PHLPP1: variants seen among roughly 807,000 people sequenced by gnomAD.
PHLPP1 encodes the protein PH domain leucine-rich repeat-containing protein phosphatase 1.
In PHLPP1, 42 loss-of-function variants were observed where a neutral mutation model predicts 117.2. The ratio of observed to expected loss-of-function variants is 0.36; its 90% CI spans 0.28 to 0.46. The LOEUF (loss-of-function observed/expected upper bound fraction) is 0.46, where lower values mean the gene tolerates loss of function less well. Ranked by LOEUF, PHLPP1 falls within the 20% of genes least tolerant of loss-of-function variation. The probability of loss-of-function intolerance (pLI) is 1.00; values close to 1 mark genes in which losing one functional copy is unlikely to be tolerated. For synonymous variants in PHLPP1, 1,042 were observed against 970.7 expected (o/e 1.07, Z -1.37); for missense variants, 2,084 against 2,241.9 (o/e 0.93, Z 1.42).
chr18:62,936,964 A>G (rs1909988171), intron 10 of PHLPP1, among the ~76,000 whole-genome samples: 2 of 152,218 alleles, frequency 1.3e-5, no homozygotes, highest in South Asian at 4.1e-4. Flanking sequence ...GCCTAAAAGT[A>G]AGAGTTTTGC....
At chr18:62,825,131 G>T (rs1161446355) in intron 1 of PHLPP1, among the ~76,000 whole-genome samples, 2 of 151,608 alleles carry the variant, frequency 1.3e-5, no homozygotes, top group African/African-American at 4.8e-5. Flanking sequence ...AATAATTTTT[G>T]TATTTTTAGT....
chr18:62,888,877 C>T (rs1393488284), intron 4 of PHLPP1, among the ~76,000 whole-genome samples: 1 of 152,196 alleles, frequency 6.6e-6, no homozygotes, highest in African/African-American at 2.4e-5. Flanking sequence ...AAAGGTCATC[C>T]ATTCACCCTT....
At chr18:62,791,532 A>G (rs923217391) in intron 1 of PHLPP1, among the ~76,000 whole-genome samples, 2 of 152,148 alleles carry the variant, frequency 1.3e-5, no homozygotes, top group African/African-American at 2.4e-5. Context: ...ACTTTATTCA[A>G]GCTACAAAGG....
At chr18:62,939,069 C>T (rs1165422649) in intron 10 of PHLPP1, among the ~76,000 whole-genome samples, 1 of 146,814 alleles carries the variant, frequency 6.8e-6, no homozygotes, top group Admixed American at 7.1e-5. Context: ...TGGCTCATTG[C>T]AACCTCTGCC....
Position 62,978,578 on chromosome 18 carries a change from T to G in PHLPP1, c.4301T>G (p.Leu1434Arg). 1 of 1,613,390 alleles carries G rather than the reference T, an allele frequency of 6.2e-7. No homozygotes were observed. The highest frequency in any genetic ancestry group is 1.1e-5 in the South Asian group (1 of 90,998). The change falls in exon 17 of 17, where the codon CTC becomes CGC. Residue 1434 changes from leucine (L) to arginine (R), a missense_variant. By Grantham distance (102) the Leu-to-Arg change is moderately radical. Transcript: ENST00000262719. The surrounding 1 kb of genome is among the most constrained non-coding windows in gnomAD (Gnocchi z 7.0). Reference protein sequence around the residue: ...VTEDSFCCCELSAGGAVPPPS... With the variant: ...VTEDSFCCCERSAGGAVPPPS... ...GAGGACAGCTTCTGCTGCTGCGAGC[T>G]CAGCGCCGGTGGGGCTGTGCCACCA...
At chr18:62,936,362 C>CTGTAA (rs1909966097) in intron 10 of PHLPP1, among the ~76,000 whole-genome samples, 1 of 152,118 alleles carries the variant, frequency 6.6e-6, no homozygotes, top group African/African-American at 2.4e-5. Context: ...ATTTAACAAA[C>CTGTAA]TGTAAGTAGA....
intron 13 of PHLPP1, among the ~76,000 whole-genome samples, chr18:62,959,797 G>A (rs1910713240): frequency 6.6e-6 from 1 of 152,200 alleles, no homozygotes; most frequent in South Asian, 2.1e-4. Context: ...TTCCTGGATA[G>A]AATTGGCCTA....
At position 62,715,808 on chromosome 18, in the gene PHLPP1, C is replaced by A; in HGVS notation, c.125C>A (p.Ala42Glu). ...GCAGCGGCGGCCGCGGCGGCTCTGGCGGCGGCGGCCGGGGGCGGCCGGAGT... is the reference window on the plus strand; with the variant it reads ...GCAGCGGCGGCCGCGGCGGCTCTGGAGGCGGCGGCCGGGGGCGGCCGGAGT... ...AAAAAAAAAL[A>E]AAAGGGRSPE... The change falls in exon 1 of 17, where the codon GCG (alanine) becomes GAG (glutamate). Residue 42 changes from alanine to glutamate, a missense_variant. By Grantham distance (107) the Ala-to-Glu change is moderately radical (BLOSUM62 -1). Around this residue, in one of 2 missense-constraint regions of PHLPP1, gnomAD observed 719 missense variants for 636.0 expected, o/e 1.13. Coordinates refer to ENST00000262719, the MANE Select transcript of PHLPP1 (RefSeq NM_194449.4). 3 of 779,434 alleles carry A rather than the reference C, an allele frequency of 3.8e-6. No individual in the cohort carries two copies. The highest frequency in any genetic ancestry group is 3.1e-6 in the Non-Finnish European group (2 of 635,306). The allele number at this position is 779,434 out of a possible 1,614,324, so 48.3% of individuals were successfully genotyped here. A position where few individuals can be genotyped will look rare whatever the true frequency, so the allele number is the denominator to read the frequency against.
chr18:62,800,849 A>G (rs1237978934), intron 1 of PHLPP1, among the ~76,000 whole-genome samples: 1 of 152,242 alleles, frequency 6.6e-6, no homozygotes. Context: ...CATGAACTCA[A>G]TCTTTAGGGG....
intron 10 of PHLPP1, among the ~76,000 whole-genome samples, chr18:62,938,337 T>A (rs1219068941): frequency 6.6e-6 from 1 of 152,170 alleles, no homozygotes; most frequent in Non-Finnish European, 1.5e-5. Flanking sequence ...CTGGAGCCTA[T>A]TTATTTACTA....
Position 62,978,413 on chromosome 18 carries a change from G to A in PHLPP1, c.4136G>A (p.Ser1379Asn). The A allele has an allele frequency of 6.2e-7, 1 of 1,612,390 alleles. No individual in the cohort carries two copies. Among genetic ancestry groups the A allele is most frequent in the Middle Eastern group, 1.7e-4 (1 of 6,060 alleles). ...CTAGGCAGTAAGGGGTTGTGGGACAGCCTGTCCGTCGAGGAGGCCGTGGAA... is the reference window on the plus strand; with the variant it reads ...CTAGGCAGTAAGGGGTTGTGGGACAACCTGTCCGTCGAGGAGGCCGTGGAA... ...FILGSKGLWD[S>N]LSVEEAVEAV... Residue 1379 changes from serine to asparagine, a missense_variant, in exon 17 of 17, where the codon AGC (serine) becomes AAC (asparagine). Coordinates refer to ENST00000262719, the MANE Select transcript of PHLPP1 (RefSeq NM_194449.4). This position sits in a 1 kb window ranked among gnomAD's most constrained non-coding sequence, Gnocchi z 7.0.
intron 3 of PHLPP1, among the ~76,000 whole-genome samples, chr18:62,852,590 G>A (rs184104268): frequency 2.0e-5 from 3 of 152,252 alleles, no homozygotes; most frequent in South Asian, 2.1e-4. Context: ...TGATCCGCCC[G>A]CCTCGGCCTT....
intron 1 of PHLPP1, among the ~76,000 whole-genome samples, chr18:62,827,954 G>A (rs988344936): frequency 6.6e-6 from 1 of 151,668 alleles, no homozygotes; most frequent in African/African-American, 2.4e-5. Flanking sequence ...AGGTTAACAA[G>A]TATTCTTGAA....
intron 1 of PHLPP1, among the ~76,000 whole-genome samples, chr18:62,804,836 T>TAC: frequency 6.7e-6 from 1 of 148,750 alleles, no homozygotes; most frequent in Non-Finnish European, 1.5e-5. Flanking sequence ...ATATTATACA[T>TAC]ATACAGTATA....
intron 7 of PHLPP1, among the ~76,000 whole-genome samples, chr18:62,904,960 A>T (rs1916808059): frequency 6.6e-6 from 1 of 152,256 alleles, no homozygotes. Flanking sequence ...CAGCCTGCAT[A>T]ACAATAAGAG....
chr18:62,964,309 C>T (rs1018515078), intron 14 of PHLPP1, among the ~76,000 whole-genome samples: 1 of 152,170 alleles, frequency 6.6e-6, no homozygotes, highest in African/African-American at 2.4e-5. Flanking sequence ...GTCTCCCAAC[C>T]TAGACTCATT....
chr18:62,899,273 T>C (rs1358490377), intron 6 of PHLPP1, among the ~76,000 whole-genome samples: 1 of 152,150 alleles, frequency 6.6e-6, no homozygotes, highest in Admixed American at 6.5e-5. Flanking sequence ...CCAGTGTGAG[T>C]CCTTAGTAGG....
At chr18:62,957,035 G>T (rs191769238) in intron 12 of PHLPP1, among the ~76,000 whole-genome samples, 4 of 152,094 alleles carry the variant, frequency 2.6e-5, no homozygotes, top group Admixed American at 6.6e-5. Flanking sequence ...GGACTGAAGA[G>T]AGAACAAAAC....
chr18:62,823,854 A>G (rs1478933286), intron 1 of PHLPP1, among the ~76,000 whole-genome samples: 2 of 152,128 alleles, frequency 1.3e-5, no homozygotes, highest in East Asian at 3.9e-4. Flanking sequence ...ACTGGGGGCC[A>G]GGCGCGGTGG....
Sources: allele counts gnomAD v4.1 joint callset (sites outside exome capture counted in the v4.1 genomes callset), GRCh38; gene constraint gnomAD v4.1.1; regional missense constraint gnomAD v4.1.1; non-coding constraint Gnocchi (gnomAD v3.1); transcripts MANE v1.5; gene names NCBI Gene and HGNC (gene_info 2026-07-23, HGNC 2026-07-21).